The following RCL1 variants were observed in gnomAD, a reference collection of about 807,000 sequenced individuals.
RCL1 encodes RNA terminal phosphate cyclase like 1.
In RCL1, 24 loss-of-function variants were observed where a neutral mutation model predicts 42.4. The observed-to-expected ratio is 0.57, with a 90% CI of 0.41 to 0.80. The LOEUF is 0.80. Among genes scored for constraint, RCL1 ranks in the 30% least tolerant of loss-of-function variants. The pLI, the probability that RCL1 is intolerant of heterozygous loss-of-function variation, is 0.00. For missense variants in RCL1, 578 were observed against 467.9 expected, an observed-to-expected ratio of 1.24 and a Z score of -2.17; for synonymous variants, 228 against 177.3, an observed-to-expected ratio of 1.29 and a Z score of -2.27.
chr9:4,809,178 A>G (rs1358800281), intron 1 of RCL1, among the ~76,000 whole-genome samples: 2 of 152,094 alleles, frequency 1.3e-5, no homozygotes, highest in South Asian at 2.1e-4. Flanking sequence ...CCTTAGCTAT[A>G]GATACTCAGT....
At chr9:4,860,030 C>G (rs1431579560) in intron 8 of RCL1, 95 bp from the exon 9 acceptor site, 2 of 821,096 alleles carry the variant, frequency 2.4e-6, no homozygotes, top group African/African-American at 1.7e-5. Flanking sequence ...CCCTCTAGGT[C>G]TGGGAGATTA....
chr9:4,823,712 G>C lies in RCL1; in HGVS notation c.208+93G>C, dbSNP rs371236892. The C allele has an allele frequency of 4.5e-4, 359 of 801,688 alleles. No individual in the cohort carries two copies. In the African/African-American group the frequency reaches 5.5e-3, roughly 12 times the overall value. 49.7% of individuals were successfully genotyped at this position (801,688 alleles called of 1,614,324 possible). ...TTTCTTTCCTTTTTTTTTCTAGTCAGTCTCTGCTTATCCAAATCACTCTTT... is the reference window on the plus strand; with the variant it reads ...TTTCTTTCCTTTTTTTTTCTAGTCACTCTCTGCTTATCCAAATCACTCTTT... On this transcript the variant is annotated intron_variant, in intron 2 of 8. Coordinates refer to ENST00000381750, the MANE Select transcript of RCL1 (RefSeq NM_005772.5).
intron 8 of RCL1, among the ~76,000 whole-genome samples, chr9:4,852,089 G>A (rs962202869): frequency 1.3e-5 from 2 of 152,070 alleles, no homozygotes; most frequent in African/African-American, 4.8e-5. Context: ...CACCATGTTA[G>A]CCAGGATGGT....
Position 4,808,064 on chromosome 9 carries a change from C to G in RCL1, c.136+14837C>G, listed in dbSNP as rs565036023. 5.3e-5 allele frequency among the ~76,000 whole-genome samples: 8 copies of G among 151,768 alleles called. No homozygotes were observed. The East Asian group carries it at 5.8e-4, about 11-fold the overall frequency. On this transcript the variant is annotated intron_variant, in intron 1 of 8. Transcript: ENST00000381750. The stretch of plus-strand genomic sequence containing the variant: ...AGTGCTCTATAAATGTTGATTAGAT[C>G]CTATCGGTTCATGGTGGTGCTGAGT...
chr9:4,793,788 G>T (rs1842871312), intron 1 of RCL1, among the ~76,000 whole-genome samples: 1 of 152,182 alleles, frequency 6.6e-6, no homozygotes, highest in South Asian at 2.1e-4. Flanking sequence ...TTCTGTGTTT[G>T]TTTTCAGCCG....
intron 4 of RCL1, 55 bp from the exon 5 acceptor site, chr9:4,834,085 AG>A (rs1817040571): frequency 6.3e-7 from 1 of 1,576,860 alleles, no homozygotes; most frequent in Non-Finnish European, 8.6e-7. Flanking sequence ...GCAGGGTGTC[AG>A]GGTAATCCAT....
rs530701671 is a variant in RCL1, at chr9:4,810,251, A to T, written c.137-13297A>T. Among the ~76,000 whole-genome samples, 641 of 152,310 alleles carry T rather than the reference A, an allele frequency of 4.2e-3. 3 individuals carry two copies. Among genetic ancestry groups the T allele is most frequent in the Middle Eastern group, 0.01 (3 of 294 alleles). ...TAACCAATAAATGTACAGTTTGATG[A>T]GTTATTACTGTGGACATACCGATGT... On this transcript the variant is annotated intron_variant, in intron 1 of 8. Transcript: ENST00000381750.
intron 1 of RCL1, among the ~76,000 whole-genome samples, chr9:4,812,155 T>G (rs942113388): frequency 8.5e-5 from 13 of 152,196 alleles, no homozygotes; most frequent in African/African-American, 2.9e-4. Context: ...AATGGTTTCC[T>G]TTGCTGTGCA....
At position 4,860,150 on chromosome 9, in the gene RCL1, A is replaced by T. The variant is rs778893221; in HGVS notation, c.997A>T (p.Ser333Cys). Residue 333 changes from serine (S) to cysteine (C), a missense_variant, in exon 9 of 9, where the codon AGC becomes TGC. Coordinates refer to ENST00000381750, the MANE Select transcript of RCL1 (RefSeq NM_005772.5). ...GATAGAATTTTTGCGGCATTTGAAG[A>T]GCTTTTTCCAGATTATGTTTAAAAT... Reference protein sequence around the residue: ...YTIEFLRHLKSFFQIMFKIET... With the variant: ...YTIEFLRHLKCFFQIMFKIET... 1 of 1,592,726 alleles carries T rather than the reference A, an allele frequency of 6.3e-7. No individual in the cohort carries two copies. The highest frequency in any genetic ancestry group is 8.5e-7 in the Non-Finnish European group (1 of 1,171,878).
intron 8 of RCL1, among the ~76,000 whole-genome samples, chr9:4,849,908 C>T (rs1817667066): frequency 6.6e-6 from 1 of 151,994 alleles, no homozygotes; most frequent in African/African-American, 2.4e-5. Flanking sequence ...GTCTAACTTG[C>T]TGTGGGAAAA....
At chr9:4,850,547 A>G (rs576059949) in intron 8 of RCL1, among the ~76,000 whole-genome samples, 3 of 148,880 alleles carry the variant, frequency 2.0e-5, no homozygotes, top group Middle Eastern at 7.0e-3. Context: ...GAACAGGAAA[A>G]TGGAAGAGAA....
At chr9:4,835,835 C>A (rs535814005) in intron 5 of RCL1, among the ~76,000 whole-genome samples, 3 of 152,180 alleles carry the variant, frequency 2.0e-5, no homozygotes, top group African/African-American at 7.2e-5. Context: ...ATCGTAGTTG[C>A]ACAGTAGGAG....
chr9:4,812,954 C>G (rs374200453), intron 1 of RCL1, among the ~76,000 whole-genome samples: 5 of 152,102 alleles, frequency 3.3e-5, no homozygotes, highest in Admixed American at 6.5e-5. Flanking sequence ...TTTATCAGTT[C>G]TAGGAGTTCA....
chr9:4,851,080 T>C (rs1187869193), intron 8 of RCL1, among the ~76,000 whole-genome samples: 2 of 152,216 alleles, frequency 1.3e-5, no homozygotes, highest in Non-Finnish European at 2.9e-5. Context: ...ACCTGTATGA[T>C]GTTTTCAAGC....
At chr9:4,806,500 C>G (rs1029569741) in intron 1 of RCL1, among the ~76,000 whole-genome samples, 1 of 151,264 alleles carries the variant, frequency 6.6e-6, no homozygotes, top group Non-Finnish European at 1.5e-5. Context: ...GATTTTTCTT[C>G]TTCAGCCTAT....
intron 1 of RCL1, among the ~76,000 whole-genome samples, chr9:4,810,844 T>C (rs2183655): frequency 0.027 from 4,049 of 152,286 alleles, 152 homozygotes; most frequent in African/African-American, 0.089. Flanking sequence ...TTCATTGTGG[T>C]TTTAATTTAT....
chr9:4,793,088 G>T lies in RCL1; in HGVS notation c.-4G>T. Reference sequence around the variant, plus strand: ...CTGCTCACGTCTCTTCGGAGAGCGCGCACATGGCGACTCAGGCGCACTCCC... The same window carrying T: ...CTGCTCACGTCTCTTCGGAGAGCGCTCACATGGCGACTCAGGCGCACTCCC... On this transcript the variant is annotated 5_prime_UTR_variant, in exon 1 of 9. Coordinates refer to ENST00000381750, the MANE Select transcript of RCL1 (RefSeq NM_005772.5). The T allele has an allele frequency of 3.1e-6, 5 of 1,607,848 alleles. No homozygotes were observed. Among genetic ancestry groups the T allele is most frequent in the Non-Finnish European group, 4.2e-6 (5 of 1,177,426 alleles).
intron 1 of RCL1, among the ~76,000 whole-genome samples, chr9:4,801,718 CTTTTT>C (rs57255135): frequency 3.6e-5 from 4 of 111,444 alleles, no homozygotes; most frequent in Non-Finnish European, 4.0e-5. Context: ...GGTTGCGATT[CTTTTT>C]TTTTTTTTTT....
At chr9:4,820,087 G>A (rs919581038) in intron 1 of RCL1, among the ~76,000 whole-genome samples, 19 of 152,288 alleles carry the variant, frequency 1.2e-4, no homozygotes, top group Non-Finnish European at 2.4e-4. Context: ...CATTGACTTT[G>A]ATTCTCTTTA....
Sources: allele counts gnomAD v4.1 joint callset (sites outside exome capture counted in the v4.1 genomes callset), GRCh38; gene constraint gnomAD v4.1.1; transcripts MANE v1.5; gene names NCBI Gene and HGNC (gene_info 2026-07-23, HGNC 2026-07-21).